The following PIKFYVE variants were observed in gnomAD, a reference collection of about 807,000 sequenced individuals.
The protein encoded by PIKFYVE is 1-phosphatidylinositol 3-phosphate 5-kinase.
Under a neutral mutation model 257.9 loss-of-function variants are expected in PIKFYVE, and 122 were observed. The observed-to-expected ratio is 0.47, with a 90% CI of 0.41 to 0.55. The LOEUF (loss-of-function observed/expected upper bound fraction) is 0.55. Ranked by LOEUF, PIKFYVE falls within the 20% of genes least tolerant of loss-of-function variation. The probability of loss-of-function intolerance (pLI) is 0.00; values close to 1 mark genes in which losing one functional copy is unlikely to be tolerated. For synonymous variants in PIKFYVE, 892 were observed against 868.9 expected (o/e 1.03, Z -0.47); for missense variants, 2,160 against 2,536.6 (o/e 0.85, Z 3.19).
Position 208,336,031 on chromosome 2 carries a change from T to G in PIKFYVE, c.4366-15T>G, listed in dbSNP as rs1275412825. The G allele has an allele frequency of 1.2e-6, 2 of 1,613,908 alleles. No individual in the cohort carries two copies. Among genetic ancestry groups the G allele is most frequent in the African/African-American group, 1.3e-5 (1 of 74,936 alleles). The stretch of plus-strand genomic sequence containing the variant: ...TATAGTGTCTGTCTCCTGAAGTTGT[T>G]TCTGTTCCTTGTAGATGGAAGAAGG... On this transcript the variant is annotated splice_polypyrimidine_tract_variant and intron_variant, in intron 26 of 41. Transcript: ENST00000264380.
Position 208,280,908 on chromosome 2 carries a change from AG to A in PIKFYVE, c.613+3201del, listed in dbSNP as rs558238766. 5.5e-3 allele frequency among the ~76,000 whole-genome samples: 839 copies of A among 152,304 alleles called. 4 individuals are homozygous for A. The highest frequency in any genetic ancestry group is 0.01 in the Middle Eastern group (3 of 294). ...TTGCTTTGATTCTGATGTCTATTAT[AG>A]TAACCATGCCCACCTTGTCTTTGGC... is the stretch of plus-strand genomic sequence containing the variant. On this transcript the variant is annotated intron_variant, in intron 5 of 41. Transcript: ENST00000264380.
In PIKFYVE at chr2:208,352,778, C is replaced by T; in HGVS notation, c.5840C>T (p.Ala1947Val). 1 of 1,612,872 alleles carries T rather than the reference C, an allele frequency of 6.2e-7. No individual in the cohort carries two copies. The highest frequency in any genetic ancestry group is 8.5e-7 in the Non-Finnish European group (1 of 1,179,438). The change falls in exon 39 of 42, where the codon GCA becomes GTA. Residue 1947 changes from alanine (A) to valine (V), a missense_variant. By Grantham distance (64) the Ala-to-Val change is moderately conservative (BLOSUM62 0). Coordinates refer to ENST00000264380, the MANE Select transcript of PIKFYVE (RefSeq NM_015040.4). ...AATCTTTTCTACGGGAGAAAGATGG[C>T]ACAGGTAAGGGTATTGGACTATGTG... The part of the protein sequence containing the change: ...MENLFYGRKM[A>V]QVFDLKGSLR...
chr2:208,350,113 G>C, intron 36 of PIKFYVE, 30 bp downstream of exon 36: 1 of 1,611,046 alleles, frequency 6.2e-7, no homozygotes, highest in African/African-American at 1.3e-5. Flanking sequence ...TCATTGGTTT[G>C]GGGAGAGGGA....
At chr2:208,298,361 T>C (rs1466220583) in intron 7 of PIKFYVE, among the ~76,000 whole-genome samples, 1 of 152,222 alleles carries the variant, frequency 6.6e-6, no homozygotes, top group Non-Finnish European at 1.5e-5. Context: ...AATCTTTCCA[T>C]AACTACTTTC....
rs181509232 is a variant in PIKFYVE, at chr2:208,315,141, T to G, written c.1827-52T>G. The G allele has an allele frequency of 2.9e-5, 42 of 1,469,054 alleles. No homozygotes were observed. In the Admixed American group the frequency reaches 5.0e-4, roughly 17 times the overall value. The allele number at this position is 1,469,054 out of a possible 1,614,324, so 91.0% of individuals were successfully genotyped here. A position where few individuals can be genotyped will look rare whatever the true frequency, so the allele number is the denominator to read the frequency against. On this transcript the variant is annotated intron_variant, in intron 14 of 41. Coordinates refer to ENST00000264380, the MANE Select transcript of PIKFYVE (RefSeq NM_015040.4). ...CTGTTTGTTTTATCATCAGAATTAT[T>G]GTCTCTGGCAGTATTAACTATGCAA...
chr2:208,329,835 T>C lies in PIKFYVE; in HGVS notation c.3720-7T>C, dbSNP rs745560192. 23 of 1,610,546 alleles carry C rather than the reference T, an allele frequency of 1.4e-5. No individual in the cohort carries two copies. Among genetic ancestry groups the C allele is most frequent in the African/African-American group, 2.7e-5 (2 of 74,842 alleles). On this transcript the variant is annotated splice_polypyrimidine_tract_variant and splice_region_variant and intron_variant, in intron 21 of 41. Coordinates refer to ENST00000264380, the MANE Select transcript of PIKFYVE (RefSeq NM_015040.4). ...CTTATGTTTCTAAGAGGTGGTCTCTTCTTTAGGATTGTAACAATGGAATTT... is the reference window on the plus strand; with the variant it reads ...CTTATGTTTCTAAGAGGTGGTCTCTCCTTTAGGATTGTAACAATGGAATTT...
At chr2:208,330,740 A>C in intron 23 of PIKFYVE, 46 bp downstream of exon 23, 1 of 1,526,938 alleles carries the variant, frequency 6.5e-7, no homozygotes, top group Non-Finnish European at 8.8e-7. Context: ...TTATTTCTTT[A>C]TTTGTATGTT....
chr2:208,333,440 C>T lies in PIKFYVE; in HGVS notation c.4089C>T (p.Ile1363=). The change falls in exon 24 of 42, where the codon ATC becomes ATT. Residue 1363 remains isoleucine (I), a synonymous_variant. Transcript: ENST00000264380. ...RANAEPCGHS[I]HHDYHQYFSY... Reference sequence around the variant, plus strand: ...ACGCTGAGCCCTGTGGTCACTCCATCCATCATGATTATCACCAGTATTTCT... The same window carrying T: ...ACGCTGAGCCCTGTGGTCACTCCATTCATCATGATTATCACCAGTATTTCT... 6.2e-7 allele frequency: 1 copy of T among 1,614,068 alleles called. No homozygotes were observed. The highest frequency in any genetic ancestry group is 8.5e-7 in the Non-Finnish European group (1 of 1,179,992).
intron 7 of PIKFYVE, 26 bp downstream of exon 7, chr2:208,288,844 G>A (rs758859200): frequency 6.2e-7 from 1 of 1,611,252 alleles, no homozygotes; most frequent in South Asian, 1.1e-5. Flanking sequence ...AAAACACTGT[G>A]CTCTCTGATG....
At position 208,357,817 on chromosome 2, in the gene PIKFYVE, C is replaced by G. The variant is rs1038673039; in HGVS notation, c.*2512C>G. 6.6e-6 allele frequency: 1 copy of G among 152,112 alleles called. No individual in the cohort carries two copies. The highest frequency in any genetic ancestry group is 1.5e-5 in the Non-Finnish European group (1 of 68,026). The allele number at this position is 152,112 out of a possible 1,614,324, so 9.4% of individuals were successfully genotyped here. ...GAAAATTTAGGAATGAGGAAGAAAT[C>G]TTAATACTTCCTTCCTTAACATACA... On this transcript the variant is annotated 3_prime_UTR_variant, in exon 42 of 42. Transcript: ENST00000264380.
At chr2:208,328,121 G>A (rs916664381) in intron 20 of PIKFYVE, 59 bp from the exon 21 acceptor site, 2 of 1,610,818 alleles carry the variant, frequency 1.2e-6, no homozygotes, top group Admixed American at 1.7e-5. Flanking sequence ...TGTGTTTGGT[G>A]CATTGGGGTT....
chr2:208,272,210 G>C (rs1689519632), intron 2 of PIKFYVE, among the ~76,000 whole-genome samples: 2 of 151,872 alleles, frequency 1.3e-5, no homozygotes, highest in Non-Finnish European at 2.9e-5. Context: ...ACTCCAGCCT[G>C]GGTGACAGAG....
intron 8 of PIKFYVE, 37 bp downstream of exon 8, chr2:208,298,816 G>T: frequency 1.2e-6 from 2 of 1,611,782 alleles, no homozygotes; most frequent in South Asian, 2.2e-5. Flanking sequence ...TGCTAGTTTT[G>T]AGCATAGAGA....
intron 7 of PIKFYVE, among the ~76,000 whole-genome samples, chr2:208,296,855 G>T (rs1428937404): frequency 6.6e-6 from 1 of 152,142 alleles, no homozygotes; most frequent in East Asian, 1.9e-4. Flanking sequence ...AACAACATTG[G>T]TAATCTTGAT....
At chr2:208,329,963 A>C in intron 22 of PIKFYVE, 50 bp downstream of exon 22, 1 of 1,598,204 alleles carries the variant, frequency 6.3e-7, no homozygotes, top group Non-Finnish European at 8.5e-7. Flanking sequence ...TTGATGCTCA[A>C]AATTTCAAGC....
intron 7 of PIKFYVE, among the ~76,000 whole-genome samples, chr2:208,295,661 C>T (rs1307562223): frequency 6.6e-6 from 1 of 152,144 alleles, no homozygotes; most frequent in Non-Finnish European, 1.5e-5. Context: ...CCTTCTCAAT[C>T]TGTTATGTTA....
Position 208,325,252 on chromosome 2 carries a change from G to C in PIKFYVE, c.2459-18G>C. 6.2e-7 allele frequency: 1 copy of C among 1,610,930 alleles called. No individual in the cohort carries two copies. The highest frequency in any genetic ancestry group is 2.2e-5 in the East Asian group (1 of 44,758). ...GCCACCTCCACCATCTTAACTTTCT[G>C]TTTGTTTTTGTTTGTAGAACAAACC... On this transcript the variant is annotated intron_variant, in intron 19 of 41. Transcript: ENST00000264380.
chr2:208,303,579 T>G (rs1268238349), intron 10 of PIKFYVE, among the ~76,000 whole-genome samples: 2 of 152,198 alleles, frequency 1.3e-5, no homozygotes, highest in Non-Finnish European at 2.9e-5. Context: ...GTCTTCATCC[T>G]CGTTTCGTGT....
intron 16 of PIKFYVE, among the ~76,000 whole-genome samples, chr2:208,319,144 G>T (rs1321591843): frequency 1.3e-5 from 2 of 152,192 alleles, no homozygotes; most frequent in Non-Finnish European, 2.9e-5. Flanking sequence ...TACAGCAAGA[G>T]CTGAGGCAGA....
Sources: gnomAD v4.1 joint callset for allele counts (sites outside exome capture counted in the v4.1 genomes callset) on GRCh38, gnomAD v4.1.1 for gene constraint, MANE v1.5 for transcripts, NCBI Gene and HGNC (gene_info 2026-07-23, HGNC 2026-07-21) for gene names.